Variants in SLC18A1 observed in about 807,000 individuals in gnomAD.
SLC18A1 encodes the protein chromaffin granule amine transporter.
In SLC18A1, 69 loss-of-function variants were observed where a neutral mutation model predicts 53.7. The observed-to-expected ratio is 1.28, with a 90% confidence interval of 1.06 to 1.57. SLC18A1 has a LOEUF of 1.57. Among genes scored for constraint, SLC18A1 ranks in the 40% most tolerant of loss-of-function variants. SLC18A1 has a pLI of 0.00. For missense variants in SLC18A1, 932 were observed against 668.1 expected, an observed-to-expected ratio of 1.40 and a Z score of -4.35; for synonymous variants, 320 against 248.1, an observed-to-expected ratio of 1.29 and a Z score of -2.72.
chr8:20,169,402 T>C (rs1404041111), intron 8 of SLC18A1, among the ~76,000 whole-genome samples: 1 of 152,030 alleles, frequency 6.6e-6, no homozygotes, highest in Non-Finnish European at 1.5e-5. Flanking sequence ...CAAATTAGAC[T>C]AAAGTATTAT....
At chr8:20,168,978 G>A (rs1424869007) in intron 8 of SLC18A1, among the ~76,000 whole-genome samples, 1 of 152,130 alleles carries the variant, frequency 6.6e-6, no homozygotes, top group Non-Finnish European at 1.5e-5. Context: ...AATTTAAGGA[G>A]GAGTAGGAGA....
chr8:20,171,319 T>C (rs17222134), intron 7 of SLC18A1, 86 bp downstream of exon 7: 452,771 of 1,340,876 alleles, frequency 0.34, 81,258 homozygotes, highest in Middle Eastern at 0.38. Context: ...AAACCGCCCA[T>C]TCTTAGTGAA....
rs183905518 is a variant in SLC18A1 at position 20,166,854 on chromosome 8, A to C, written c.859-1747T>G. On this transcript the variant is annotated intron_variant, in intron 8 of 15. Coordinates refer to ENST00000276373, the MANE Select transcript of SLC18A1 (RefSeq NM_003053.4). ...TCTGAAAAACTGTTTTCCTTATAAA[A>C]AGAGGAAGGGACATCAGGGCTCTCT... is the stretch of plus-strand genomic sequence containing the variant. Among the ~76,000 whole-genome samples the C allele has an allele frequency of 7.8e-4, 119 of 152,216 alleles. 2 individuals are homozygous for C. Among genetic ancestry groups the C allele is most frequent in the Admixed American group, 7.8e-3 (119 of 15,278 alleles).
intron 7 of SLC18A1, 31 bp from the exon 8 acceptor site, chr8:20,171,177 C>G: frequency 6.2e-7 from 1 of 1,613,300 alleles, no homozygotes; most frequent in Non-Finnish European, 8.5e-7. Context: ...GACAGTTCAG[C>G]GTGTCTACTG....
At chr8:20,175,254 G>C (rs2072227053) in intron 4 of SLC18A1, 1 of 152,076 alleles carries the variant, frequency 6.6e-6, no homozygotes, top group African/African-American at 2.4e-5. Context: ...TTTTTTCAAG[G>C]TTCTGAGATC....
intron 15 of SLC18A1, among the ~76,000 whole-genome samples, chr8:20,146,669 A>T (rs2071407945): frequency 1.3e-5 from 2 of 152,220 alleles, no homozygotes; most frequent in South Asian, 4.2e-4. Flanking sequence ...CTAAAAATAC[A>T]AAAAATTAGC....
chr8:20,155,284 C>A (rs2071654727), intron 10 of SLC18A1, among the ~76,000 whole-genome samples: 1 of 152,208 alleles, frequency 6.6e-6, no homozygotes, highest in African/African-American at 2.4e-5. Flanking sequence ...GCTTGCTATT[C>A]TGTCCTATCC....
rs1447447967 is a variant in SLC18A1 at position 20,181,015 on chromosome 8, C to A, written c.-51G>T. Reference sequence around the variant, plus strand: ...TCCCCTGCGGGCTCTTAGGGAAGGTCCTGTGACAGCTACAGGTCTCCTGCA... The same window carrying A: ...TCCCCTGCGGGCTCTTAGGGAAGGTACTGTGACAGCTACAGGTCTCCTGCA... On this transcript the variant is annotated 5_prime_UTR_variant, in exon 2 of 16. Transcript: ENST00000276373. 6.5e-7 allele frequency: 1 copy of A among 1,538,712 alleles called. No homozygotes were observed. The highest frequency in any genetic ancestry group is 8.8e-7 in the Non-Finnish European group (1 of 1,139,656).
At chr8:20,167,180 T>A (rs928089275) in intron 8 of SLC18A1, among the ~76,000 whole-genome samples, 6 of 149,086 alleles carry the variant, frequency 4.0e-5, no homozygotes, top group East Asian at 2.0e-4. Flanking sequence ...TTCAAATGTA[T>A]CATGCATTAC....
At chr8:20,167,338 G>T (rs1193276752) in intron 8 of SLC18A1, among the ~76,000 whole-genome samples, 1 of 152,078 alleles carries the variant, frequency 6.6e-6, no homozygotes, top group African/African-American at 2.4e-5. Context: ...AATGGCATGG[G>T]TAAGTATTAT....
chr8:20,168,521 T>C (rs995967390), intron 8 of SLC18A1, among the ~76,000 whole-genome samples: 1 of 152,160 alleles, frequency 6.6e-6, no homozygotes, highest in African/African-American at 2.4e-5. Context: ...TTGGTATAAA[T>C]ATTTATAAAT....
intron 6 of SLC18A1, 38 bp from the exon 7 acceptor site, chr8:20,171,532 G>A (rs753765251): frequency 2.0e-6 from 3 of 1,504,286 alleles, no homozygotes; most frequent in East Asian, 2.3e-5. Context: ...CAGAGGTGAG[G>A]GTGAGTCCTT....
rs1237487748 is a variant in SLC18A1, at chr8:20,181,457, TG to T, written c.-123-371del. On this transcript the variant is annotated intron_variant, in intron 1 of 15. Coordinates refer to ENST00000276373, the MANE Select transcript of SLC18A1 (RefSeq NM_003053.4). The stretch of plus-strand genomic sequence containing the variant: ...CTCTAGATCCACTCTTTTAAAATAT[TG>T]AGATACTGCCAGGTATGGTGGGATG... 5.3e-5 allele frequency among the ~76,000 whole-genome samples: 8 copies of T among 152,174 alleles called. No homozygotes were observed. The East Asian group carries it at 1.2e-3, about 22-fold the overall frequency.
chr8:20,168,577 G>A (rs2072031707), intron 8 of SLC18A1, among the ~76,000 whole-genome samples: 1 of 151,718 alleles, frequency 6.6e-6, no homozygotes, highest in South Asian at 2.1e-4. Context: ...TTGCTTTTTT[G>A]TTTTTTAGAG....
rs539969750 is a variant in SLC18A1 at position 20,171,709 on chromosome 8, C to T, written c.725-215G>A. On this transcript the variant is annotated intron_variant, in intron 6 of 15. Coordinates refer to ENST00000276373, the MANE Select transcript of SLC18A1 (RefSeq NM_003053.4). ...GTGTGTGTGTGTGTGTGTGTGCGCG[C>T]GCGTGTGTGTATGTATGTGTGTGTG... 8.9e-3 allele frequency among the ~76,000 whole-genome samples: 1,278 copies of T among 143,996 alleles called. 29 individuals are homozygous for T. The highest frequency in any genetic ancestry group is 0.031 in the African/African-American group (1,205 of 38,624). 94.5% of individuals were successfully genotyped at this position (143,996 alleles called of 152,430 possible).
At chr8:20,176,479 C>T (rs898278044) in intron 4 of SLC18A1, among the ~76,000 whole-genome samples, 3 of 152,186 alleles carry the variant, frequency 2.0e-5, no homozygotes, top group African/African-American at 7.2e-5. Flanking sequence ...AGACACCCCT[C>T]AATTCTAGGC....
intron 8 of SLC18A1, among the ~76,000 whole-genome samples, chr8:20,169,822 T>G (rs966355210): frequency 6.6e-6 from 1 of 152,154 alleles, no homozygotes; most frequent in Non-Finnish European, 1.5e-5. Context: ...GAGGTTGCAG[T>G]GAGCCGAGAT....
intron 2 of SLC18A1, 79 bp from the exon 3 acceptor site, chr8:20,179,563 G>C: frequency 6.6e-7 from 1 of 1,504,700 alleles, no homozygotes; most frequent in Non-Finnish European, 9.0e-7. Flanking sequence ...GCTAAGGACA[G>C]ATGTCAATTC....
intron 10 of SLC18A1, among the ~76,000 whole-genome samples, chr8:20,162,684 T>G (rs186013347): frequency 1.7e-3 from 265 of 152,344 alleles, no homozygotes; most frequent in African/African-American, 5.9e-3. Context: ...GTCCAATACC[T>G]TGTTCCTCAT....
Sources: gnomAD v4.1 joint callset for allele counts (sites outside exome capture counted in the v4.1 genomes callset) on GRCh38, gnomAD v4.1.1 for gene constraint, MANE v1.5 for transcripts, NCBI Gene and HGNC (gene_info 2026-07-23, HGNC 2026-07-21) for gene names.